Variants in PIWIL2 observed in about 807,000 individuals in gnomAD.
PIWIL2 encodes the protein piwi like RNA-mediated gene silencing 2.
A neutral mutation model predicts 116.5 loss-of-function variants in PIWIL2; 81 were observed. That is an observed-to-expected ratio of 0.70 (90% CI 0.58 to 0.84). The LOEUF (loss-of-function observed/expected upper bound fraction) is 0.84, where lower values mean the gene tolerates loss of function less well. PIWIL2 is among the 40% of genes least tolerant of loss of function. The pLI is 0.00. For missense variants in PIWIL2, 1,272 were observed against 1,212.3 expected (o/e 1.05, Z -0.73); for synonymous variants, 489 against 429.5 (o/e 1.14, Z -1.71).
intron 20 of PIWIL2, among the ~76,000 whole-genome samples, chr8:22,323,974 A>AT (rs1476103098): frequency 6.6e-6 from 1 of 152,148 alleles, no homozygotes; most frequent in African/African-American, 2.4e-5. Flanking sequence ...AGAATATTGG[A>AT]TTTTGGGCTG....
chr8:22,304,738 A>G (rs1001894726), intron 11 of PIWIL2, 46 bp from the exon 12 acceptor site: 9 of 1,080,862 alleles, frequency 8.3e-6, no homozygotes, highest in East Asian at 2.4e-5. Flanking sequence ...CTCTAAGAGT[A>G]TTGATGCTGC....
chr8:22,320,119 C>T (rs1308912959), intron 20 of PIWIL2, among the ~76,000 whole-genome samples: 2 of 151,978 alleles, frequency 1.3e-5, no homozygotes, highest in Non-Finnish European at 2.9e-5. Flanking sequence ...TGTGACACCA[C>T]ACCTGGCTAA....
chr8:22,300,019 A>G (rs1411369161), intron 10 of PIWIL2, among the ~76,000 whole-genome samples: 1 of 151,802 alleles, frequency 6.6e-6, no homozygotes, highest in Non-Finnish European at 1.5e-5. Flanking sequence ...AGCTCGCTGC[A>G]ACCTCCATCT....
chr8:22,282,824 A>G (rs1325489457), intron 4 of PIWIL2, among the ~76,000 whole-genome samples: 2 of 152,018 alleles, frequency 1.3e-5, no homozygotes, highest in Non-Finnish European at 2.9e-5. Flanking sequence ...TCCTGGGCTC[A>G]AGCAGTCTCC....
Position 22,355,484 on chromosome 8 carries a change from C to G in PIWIL2, c.2901C>G (p.Cys967Trp). Residue 967 changes from cysteine to tryptophan, a missense_variant, in exon 23 of 23, where the codon TGC becomes TGG. Coordinates refer to ENST00000356766, the MANE Select transcript of PIWIL2 (RefSeq NM_018068.5). ...ILHHEPAIQL[C>W]ENLFFL is the part of the protein sequence containing the mutation. ...ATCATGAACCAGCCATCCAGCTGTG[C>G]GAGAACCTGTTCTTCCTGTGACTGC... 1 of 1,614,082 alleles carries G rather than the reference C, an allele frequency of 6.2e-7. No individual in the cohort carries two copies. Among genetic ancestry groups the G allele is most frequent in the South Asian group, 1.1e-5 (1 of 91,046 alleles).
chr8:22,284,113 GT>G, intron 5 of PIWIL2, 48 bp from the exon 6 acceptor site: 3 of 971,986 alleles, frequency 3.1e-6, no homozygotes, highest in Non-Finnish European at 1.6e-6. Flanking sequence ...TAGTTATTTT[GT>G]TTTTTTGTTT....
intron 12 of PIWIL2, among the ~76,000 whole-genome samples, chr8:22,305,161 G>A (rs1462922526): frequency 1.5e-5 from 2 of 133,310 alleles, no homozygotes; most frequent in East Asian, 5.4e-4. Context: ...ATGAGGAAAG[G>A]TATAGATATT....
chr8:22,304,206 A>G lies in PIWIL2; in HGVS notation c.1367A>G (p.Tyr456Cys). Residue 456 changes from tyrosine to cysteine, a missense_variant, in exon 11 of 23, where the codon TAC becomes TGC. Coordinates refer to ENST00000356766, the MANE Select transcript of PIWIL2 (RefSeq NM_018068.5). ...DGKEITFLEYYSKNYGITVKE... is the reference protein window; with the variant it reads ...DGKEITFLEYCSKNYGITVKE... ...AAAGAGATCACATTCTTGGAATACT[A>G]CAGGTAGCAAGAAGAGACTGGGTTT... is the stretch of plus-strand genomic sequence containing the variant. 1 of 1,609,808 alleles carries G rather than the reference A, an allele frequency of 6.2e-7. No individual in the cohort carries two copies. The highest frequency in any genetic ancestry group is 8.5e-7 in the Non-Finnish European group (1 of 1,176,702).
At chr8:22,321,939 A>C (rs1242960276) in intron 20 of PIWIL2, 6 of 985,276 alleles carry the variant, frequency 6.1e-6, no homozygotes, top group Non-Finnish European at 4.8e-6. Flanking sequence ...CGCTAGTCCA[A>C]AGCCCATTTT....
rs1286132116 is a variant in PIWIL2 at position 22,288,562 on chromosome 8, A to G, written c.882A>G (p.Gln294=). 3 of 1,613,138 alleles carry G rather than the reference A, an allele frequency of 1.9e-6. No individual in the cohort carries two copies. The African/African-American group carries it at 4.0e-5, about 22-fold the overall frequency. Residue 294 remains glutamine (Q), a synonymous_variant, in exon 8 of 23, where the codon CAA becomes CAG. Coordinates refer to ENST00000356766, the MANE Select transcript of PIWIL2 (RefSeq NM_018068.5). ...KLQQVLELKS[Q]RKTDSAEISI... ...GTTAGGTTCTTGAGTTAAAAAGTCA[A>G]AGGAAAACAGACAGTGCTGAAATCA...
intron 20 of PIWIL2, among the ~76,000 whole-genome samples, chr8:22,339,742 A>G (rs548463853): frequency 1.3e-5 from 2 of 152,374 alleles, no homozygotes; most frequent in African/African-American, 4.8e-5. Flanking sequence ...GAAAGGCTCT[A>G]GTATCCAGAA....
intron 20 of PIWIL2, among the ~76,000 whole-genome samples, chr8:22,343,456 G>A (rs563337529): frequency 6.6e-6 from 1 of 151,734 alleles, no homozygotes; most frequent in Admixed American, 6.6e-5. Flanking sequence ...AAATTAGCTG[G>A]GCATGGTGGC....
intron 10 of PIWIL2, among the ~76,000 whole-genome samples, chr8:22,293,337 C>CAT (rs373957612): frequency 0.062 from 9,233 of 150,012 alleles, 347 homozygotes; most frequent in Admixed American, 0.093. Flanking sequence ...TTTTATTTTC[C>CAT]TTTTTTTTTT....
At chr8:22,283,671 G>T (rs1196866233) in intron 5 of PIWIL2, among the ~76,000 whole-genome samples, 1 of 152,078 alleles carries the variant, frequency 6.6e-6, no homozygotes, top group Non-Finnish European at 1.5e-5. Flanking sequence ...GGCCTCCCAA[G>T]GTGCTGGGAT....
At chr8:22,321,523 T>C (rs967933268) in intron 20 of PIWIL2, among the ~76,000 whole-genome samples, 1 of 152,056 alleles carries the variant, frequency 6.6e-6, no homozygotes, top group Non-Finnish European at 1.5e-5. Context: ...ATTTAAACTG[T>C]TTTGCAAAAT....
At chr8:22,321,025 T>G (rs1023910285) in intron 20 of PIWIL2, among the ~76,000 whole-genome samples, 5 of 152,230 alleles carry the variant, frequency 3.3e-5, no homozygotes, top group Admixed American at 6.5e-5. Flanking sequence ...AATTCTATTC[T>G]AAGTCAATTA....
intron 20 of PIWIL2, among the ~76,000 whole-genome samples, chr8:22,324,099 T>C (rs974175447): frequency 1.3e-5 from 2 of 152,220 alleles, no homozygotes; most frequent in Admixed American, 1.3e-4. Flanking sequence ...CTGTCTTTAC[T>C]AAAAATACAA....
chr8:22,327,132 A>T (rs746804338), intron 20 of PIWIL2, among the ~76,000 whole-genome samples: 5 of 143,818 alleles, frequency 3.5e-5, no homozygotes, highest in Non-Finnish European at 6.0e-5. Context: ...AGTTCAAGAG[A>T]TTGTCCTGTC....
At position 22,311,739 on chromosome 8, in the gene PIWIL2, A is replaced by T. The variant is rs138150269; in HGVS notation, c.1989+439A>T. On this transcript the variant is annotated intron_variant, in intron 16 of 22. Transcript: ENST00000356766. ...GTCCTGATGACTGATCAGGAACACT[A>T]GAGCTGGCCAGGTCATAGCACTCAC... is the stretch of plus-strand genomic sequence containing the variant. 2.0e-3 allele frequency among the ~76,000 whole-genome samples: 310 copies of T among 152,334 alleles called. 1 individual carries two copies. The highest frequency in any genetic ancestry group is 0.01 in the Middle Eastern group (3 of 294).
Sources: gnomAD v4.1 joint callset for allele counts (sites outside exome capture counted in the v4.1 genomes callset) on GRCh38, gnomAD v4.1.1 for gene constraint, MANE v1.5 for transcripts, NCBI Gene and HGNC (gene_info 2026-07-23, HGNC 2026-07-21) for gene names.